The following CNGB3 variants were observed in gnomAD, a reference collection of about 807,000 sequenced individuals.
The protein encoded by CNGB3 is cyclic nucleotide gated channel subunit beta 3, also known as cyclic nucleotide-gated channel beta-3.
A neutral mutation model predicts 92.8 loss-of-function variants in CNGB3; 86 were observed. That is an observed-to-expected ratio of 0.93 (90% CI 0.78 to 1.11). CNGB3 has a LOEUF of 1.11. CNGB3 is among the 50% of genes least tolerant of loss of function. CNGB3 has a pLI of 0.00. For missense variants in CNGB3, 1,026 were observed against 956.8 expected (o/e 1.07, Z -0.95); for synonymous variants, 333 against 332.7 (o/e 1.00, Z -0.01).
chr8:86,694,645 T>A (rs1191117634), intron 3 of CNGB3, among the ~76,000 whole-genome samples: 16 of 146,554 alleles, frequency 1.1e-4, no homozygotes, highest in African/African-American at 4.1e-4. Context: ...GCAGAGGCAC[T>A]CCTCACATCC....
chr8:86,698,049 C>A (rs1824483998), intron 3 of CNGB3, among the ~76,000 whole-genome samples: 1 of 152,154 alleles, frequency 6.6e-6, no homozygotes, highest in South Asian at 2.1e-4. Flanking sequence ...CATTGGTGGA[C>A]ATTTGGGAAC....
At chr8:86,661,781 G>A in intron 6 of CNGB3, 2 of 1,589,520 alleles carry the variant, frequency 1.3e-6, no homozygotes, top group Non-Finnish European at 8.6e-7. Flanking sequence ...ATAATCTGCA[G>A]AGTTCACATA....
chr8:86,637,334 C>A (rs927662501), intron 10 of CNGB3, among the ~76,000 whole-genome samples: 7 of 152,074 alleles, frequency 4.6e-5, no homozygotes, highest in Non-Finnish European at 8.8e-5. Context: ...GTTTTTATGC[C>A]AGTTTCATAC....
At position 86,665,103 on chromosome 8, in the gene CNGB3, C is replaced by T. The variant is rs78764491; in HGVS notation, c.852+1822G>A. 5.0e-3 allele frequency among the ~76,000 whole-genome samples: 757 copies of T among 152,014 alleles called. 4 individuals carry two copies. Among genetic ancestry groups the T allele is most frequent in the African/African-American group, 0.016 (666 of 41,456 alleles). ...CTAGCGGTCACCATATTGGACAGTG[C>T]GGTGAATCTATATTGATTAAAATGG... On this transcript the variant is annotated intron_variant, in intron 6 of 17. Transcript: ENST00000320005.
intron 2 of CNGB3, among the ~76,000 whole-genome samples, chr8:86,738,183 G>A (rs1342407549): frequency 1.5e-5 from 2 of 136,330 alleles, no homozygotes; most frequent in Non-Finnish European, 3.1e-5. Flanking sequence ...TTCTGTTCTA[G>A]TGATTTCCCT....
At chr8:86,682,554 G>A (rs1004633761) in intron 3 of CNGB3, among the ~76,000 whole-genome samples, 1 of 152,186 alleles carries the variant, frequency 6.6e-6, no homozygotes, top group African/African-American at 2.4e-5. Flanking sequence ...AGCAGGATGT[G>A]TGGCTGGGGT....
chr8:86,660,814 G>A (rs1823626913), intron 6 of CNGB3: 1 of 475,218 alleles, frequency 2.1e-6, no homozygotes, highest in African/African-American at 2.0e-5. Context: ...CAAAGTCTAT[G>A]AATACCAATA....
intron 6 of CNGB3, chr8:86,659,520 C>G (rs1033381638): frequency 2.0e-5 from 12 of 605,336 alleles, no homozygotes; most frequent in African/African-American, 5.6e-5. Flanking sequence ...ATAACTCCAG[C>G]CTGAGGGCAT....
chr8:86,595,109 G>A (rs571127363), intron 15 of CNGB3, among the ~76,000 whole-genome samples: 1 of 152,304 alleles, frequency 6.6e-6, no homozygotes, highest in East Asian at 1.9e-4. Context: ...AAATATTTAA[G>A]AATTTCATCT....
intron 3 of CNGB3, among the ~76,000 whole-genome samples, chr8:86,693,070 G>A (rs977773133): frequency 6.6e-6 from 1 of 152,116 alleles, no homozygotes; most frequent in East Asian, 1.9e-4. Context: ...ATCCCTTCTG[G>A]CTTGCAGGGT....
intron 1 of CNGB3, among the ~76,000 whole-genome samples, chr8:86,742,863 A>G (rs1286281223): frequency 1.3e-5 from 2 of 152,182 alleles, no homozygotes; most frequent in Admixed American, 6.5e-5. Flanking sequence ...GCAGAAAAAT[A>G]TATTTAGAAC....
At chr8:86,598,780 AC>A (rs1822225563) in intron 15 of CNGB3, among the ~76,000 whole-genome samples, 1 of 152,154 alleles carries the variant, frequency 6.6e-6, no homozygotes, top group African/African-American at 2.4e-5. Context: ...AGGAAAAAGA[AC>A]CCTCTTTGTC....
intron 6 of CNGB3, among the ~76,000 whole-genome samples, chr8:86,655,043 C>A (rs1485444983): frequency 2.6e-5 from 4 of 152,156 alleles, no homozygotes; most frequent in African/African-American, 9.7e-5. Context: ...TCTCCTTGAG[C>A]CAAACTGCTG....
At chr8:86,739,918 A>G (rs144641006) in intron 1 of CNGB3, among the ~76,000 whole-genome samples, 182 bp from the exon 2 acceptor site, 194 of 152,320 alleles carry the variant, frequency 1.3e-3, no homozygotes, top group Middle Eastern at 6.8e-3. Context: ...TGAATAATCA[A>G]CCTCAGCCTC....
intron 7 of CNGB3, among the ~76,000 whole-genome samples, chr8:86,648,489 C>A (rs534039084): frequency 6.6e-6 from 1 of 151,300 alleles, no homozygotes; most frequent in East Asian, 1.9e-4. Flanking sequence ...AATTAATCAG[C>A]AGCTCTGATG....
At chr8:86,634,821 G>T (rs1823031760) in intron 10 of CNGB3, among the ~76,000 whole-genome samples, 1 of 151,578 alleles carries the variant, frequency 6.6e-6, no homozygotes, top group Non-Finnish European at 1.5e-5. Flanking sequence ...AATAGTTTGA[G>T]ATTTTAAGAT....
chr8:86,644,412 C>T (rs960366465), intron 9 of CNGB3, among the ~76,000 whole-genome samples: 46 of 151,408 alleles, frequency 3.0e-4, no homozygotes, highest in African/African-American at 1.0e-3. Flanking sequence ...TTTCTTAGTC[C>T]AGTATTCTAA....
intron 3 of CNGB3, among the ~76,000 whole-genome samples, chr8:86,711,161 C>T (rs952276233): frequency 6.6e-6 from 1 of 152,218 alleles, no homozygotes; most frequent in African/African-American, 2.4e-5. Flanking sequence ...TACATGGGCT[C>T]TTTGCGAAAG....
intron 3 of CNGB3, among the ~76,000 whole-genome samples, chr8:86,695,367 A>T (rs7464754): frequency 4.4e-5 from 6 of 135,094 alleles, no homozygotes; most frequent in Non-Finnish European, 8.3e-5. Flanking sequence ...TTAAAAAATT[A>T]TTTTTTTCTT....
Sources: gnomAD v4.1 joint callset for allele counts (sites outside exome capture counted in the v4.1 genomes callset) on GRCh38, gnomAD v4.1.1 for gene constraint, MANE v1.5 for transcripts, NCBI Gene and HGNC (gene_info 2026-07-23, HGNC 2026-07-21) for gene names.